AGTR2: variants seen among roughly 807,000 people sequenced by gnomAD.
AGTR2 encodes angiotensin II receptor type 2.
Under a neutral mutation model 14.2 loss-of-function variants are expected in AGTR2, and 15 were observed. That is an observed-to-expected ratio of 1.05 (90% CI 0.70 to 1.62). The LOEUF (loss-of-function observed/expected upper bound fraction) is 1.62, where lower values mean the gene tolerates loss of function less well. Ranked by LOEUF, AGTR2 falls within the 40% of genes most tolerant of loss-of-function variation. The pLI is 0.00. For synonymous variants in AGTR2, 101 were observed against 98.5 expected, an observed-to-expected ratio of 1.03 and a Z score of -0.15; for missense variants, 274 against 273.1, an observed-to-expected ratio of 1.00 and a Z score of -0.02.
In AGTR2 at chrX:116,171,040, G is replaced by A. The variant is rs1922428633; in HGVS notation, c.-36+13G>A. 1.8e-5 allele frequency: 2 copies of A among 111,239 alleles called. No individual in the cohort carries two copies. The highest frequency in any genetic ancestry group is 3.3e-5 in the African/African-American group (1 of 30,706). 9.2% of individuals were successfully genotyped at this position (111,239 alleles called of 1,213,427 possible). ...ACTTCAACAACCAGTAAGTCTTCAA[G>A]TGGAATTTATTATTGATTCTTTTAT... On this transcript the variant is annotated intron_variant, in intron 2 of 2. Transcript: ENST00000371906.
rs1556673692 is a variant in AGTR2, at chrX:116,172,500, G to C, written c.220G>C (p.Gly74Arg). 1 of 1,210,885 alleles carries C rather than the reference G, an allele frequency of 8.3e-7. No individual in the cohort carries two copies. Among genetic ancestry groups the C allele is most frequent in the Non-Finnish European group, 1.1e-6 (1 of 895,149 alleles). ...VVVTLFCCQK[G>R]PKKVSSIYIF... ...GGTTACACTGTTTTGTTGTCAAAAG[G>C]GTCCTAAAAAGGTTTCTAGCATATA... The change falls in exon 3 of 3, where the codon GGT becomes CGT. Residue 74 changes from glycine (G) to arginine (R), a missense_variant. Coordinates refer to ENST00000371906, the MANE Select transcript of AGTR2 (RefSeq NM_000686.5).
Position 116,173,444 on chromosome X carries a change from T to C in AGTR2, c.*72T>C. 1 of 1,148,588 alleles carries C rather than the reference T, an allele frequency of 8.7e-7. No homozygotes were observed. Among genetic ancestry groups the C allele is most frequent in the South Asian group, 1.9e-5 (1 of 52,079 alleles). The allele number at this position is 1,148,588 out of a possible 1,213,427, so 94.7% of individuals were successfully genotyped here. ...GCTCACCAGAATTATTTTTAAGTGG[T>C]TTTAATAAAATAATAAAATTTCCCC... On this transcript the variant is annotated 3_prime_UTR_variant, in exon 3 of 3. Coordinates refer to ENST00000371906, the MANE Select transcript of AGTR2 (RefSeq NM_000686.5).
Position 116,171,013 on chromosome X carries a change from A to G in AGTR2, c.-50A>G, listed in dbSNP as rs1159802192. On this transcript the variant is annotated 5_prime_UTR_variant, in exon 2 of 3. Transcript: ENST00000371906. The stretch of plus-strand genomic sequence containing the variant: ...CAAGCTGATTTATGATAACTGCTTT[A>G]AACTTCAACAACCAGTAAGTCTTCA... The G allele has an allele frequency of 9.0e-6, 1 of 111,555 alleles. No individual in the cohort carries two copies. Among genetic ancestry groups the G allele is most frequent in the Admixed American group, 9.6e-5 (1 of 10,446 alleles). The allele number at this position is 111,555 out of a possible 1,213,427, so 9.2% of individuals were successfully genotyped here. A position where few individuals can be genotyped will look rare whatever the true frequency, so the allele number is the denominator to read the frequency against.
chrX:116,172,198 T>C, intron 2 of AGTR2, 48 bp from the exon 3 acceptor site: 1 of 1,095,883 alleles, frequency 9.1e-7, no homozygotes, highest in Non-Finnish European at 1.3e-6. Context: ...TTCAAGGATG[T>C]CCTCAGCTCT....
Sources: gnomAD v4.1 joint callset for allele counts on GRCh38, gnomAD v4.1.1 for gene constraint, MANE v1.5 for transcripts, NCBI Gene and HGNC (gene_info 2026-07-23, HGNC 2026-07-21) for gene names.